CTIF: variants seen among roughly 807,000 people sequenced by gnomAD.
The protein encoded by CTIF is CBP80/20-dependent translation initiation factor.
CTIF carries 21 observed loss-of-function variants against 66.0 expected under a neutral mutation model. That is an observed-to-expected ratio of 0.32 (90% CI 0.23 to 0.46). The LOEUF (loss-of-function observed/expected upper bound fraction) is 0.46. CTIF is among the 20% of genes least tolerant of loss of function. CTIF has a pLI of 1.00. For missense variants in CTIF, 739 were observed against 812.7 expected, an observed-to-expected ratio of 0.91 and a Z score of 1.10; for synonymous variants, 345 against 326.4, an observed-to-expected ratio of 1.06 and a Z score of -0.62.
chr18:48,692,007 G>A lies in CTIF; in HGVS notation c.508-19612G>A, dbSNP rs370170083. ...AGCAATTCTTGTGCTTCAGCCTCCC[G>A]AGTAGCTGGATTACAGGCGTGTGCC... On this transcript the variant is annotated intron_variant, in intron 6 of 11. Transcript: ENST00000256413. 3.9e-5 allele frequency among the ~76,000 whole-genome samples: 6 copies of A among 152,112 alleles called. No individual in the cohort carries two copies. The South Asian group carries it at 1.0e-3, about 26-fold the overall frequency.
At chr18:48,781,070 C>A (rs1911164274) in intron 9 of CTIF, among the ~76,000 whole-genome samples, 2 of 152,300 alleles carry the variant, frequency 1.3e-5, no homozygotes, top group South Asian at 4.1e-4. Flanking sequence ...CTTTGTGAGC[C>A]CCCCTCTTCT....
chr18:48,817,305 G>A lies in CTIF; in HGVS notation c.1456G>A (p.Gly486Ser), dbSNP rs757097359. The A allele has an allele frequency of 1.1e-5, 18 of 1,613,916 alleles. No homozygotes were observed. Among genetic ancestry groups the A allele is most frequent in the East Asian group, 2.2e-5 (1 of 44,882 alleles). Residue 486 changes from glycine (G) to serine (S), a missense_variant, in exon 10 of 12, where the codon GGC (glycine) becomes AGC (serine). Transcript: ENST00000256413. ...GFITFLCEVF[G>S]TMRSSTGEPF... ...CATCACCTTCCTGTGCGAGGTCTTC[G>A]GCACCATGCGCAGCAGCACAGGCGA... is the stretch of plus-strand genomic sequence containing the variant.
intron 7 of CTIF, among the ~76,000 whole-genome samples, chr18:48,736,737 C>T (rs957113983): frequency 6.6e-6 from 1 of 152,202 alleles, no homozygotes; most frequent in African/African-American, 2.4e-5. Context: ...CCAGTGAGCC[C>T]CTAGGCCCCA....
At chr18:48,679,906 G>C (rs577681045) in intron 6 of CTIF, among the ~76,000 whole-genome samples, 28 of 152,282 alleles carry the variant, frequency 1.8e-4, no homozygotes, top group African/African-American at 6.7e-4. Flanking sequence ...GAGAATTATG[G>C]TCAGGAGAAA....
chr18:48,841,286 C>T (rs1358806448), intron 10 of CTIF, among the ~76,000 whole-genome samples: 1 of 152,280 alleles, frequency 6.6e-6, no homozygotes, highest in Non-Finnish European at 1.5e-5. Flanking sequence ...CTGGAGCGGC[C>T]CCTGGGCTCT....
chr18:48,737,717 A>G (rs2092516434), intron 7 of CTIF, among the ~76,000 whole-genome samples: 1 of 152,250 alleles, frequency 6.6e-6, no homozygotes, highest in Admixed American at 6.5e-5. Flanking sequence ...TATATTAACG[A>G]TAATGAATGG....
intron 3 of CTIF, among the ~76,000 whole-genome samples, 175 bp downstream of exon 3, chr18:48,636,860 G>A (rs191263438): frequency 1.3e-5 from 2 of 152,158 alleles, no homozygotes; most frequent in Admixed American, 6.5e-5. Context: ...TGCCCACAGG[G>A]AAGCTCCCAC....
chr18:48,609,983 C>G (rs893594075), intron 1 of CTIF, among the ~76,000 whole-genome samples: 1 of 151,714 alleles, frequency 6.6e-6, no homozygotes, highest in African/African-American at 2.4e-5. Context: ...GAGGAAAGCC[C>G]GGGCCCATTG....
intron 1 of CTIF, among the ~76,000 whole-genome samples, chr18:48,603,849 A>ATTTTTTT (rs34207687): frequency 7.2e-6 from 1 of 138,128 alleles, no homozygotes; most frequent in African/African-American, 2.7e-5. Context: ...ACTCAGTGAA[A>ATTTTTTT]TTTTTTTTTT....
Position 48,681,504 on chromosome 18 carries a change from A to G in CTIF, c.507+10760A>G, listed in dbSNP as rs555921417. On this transcript the variant is annotated intron_variant, in intron 6 of 11. Transcript: ENST00000256413. Reference sequence around the variant, plus strand: ...ACCCAGAACTTCCACCTACAACCCCATTACAGACGAGGAAACTGAGAGACC... The same window carrying G: ...ACCCAGAACTTCCACCTACAACCCCGTTACAGACGAGGAAACTGAGAGACC... Among the ~76,000 whole-genome samples the G allele has an allele frequency of 4.6e-5, 7 of 152,268 alleles. 1 individual carries two copies. The highest frequency in any genetic ancestry group is 1.7e-4 in the African/African-American group (7 of 41,562).
intron 9 of CTIF, among the ~76,000 whole-genome samples, chr18:48,815,915 C>G (rs887336905): frequency 1.0e-4 from 15 of 148,886 alleles, no homozygotes; most frequent in African/African-American, 3.7e-4. Flanking sequence ...ATCTTGGAGT[C>G]TCCCCTTTCC....
chr18:48,664,089 A>G (rs1020167662), intron 4 of CTIF, among the ~76,000 whole-genome samples: 12 of 152,150 alleles, frequency 7.9e-5, no homozygotes. Flanking sequence ...CATCTACCTC[A>G]GGGTGGCCGG....
chr18:48,719,945 T>C (rs771507115), intron 7 of CTIF, among the ~76,000 whole-genome samples: 1 of 152,204 alleles, frequency 6.6e-6, no homozygotes, highest in Non-Finnish European at 1.5e-5. Flanking sequence ...ATCAACAATA[T>C]GTATTAAATA....
intron 7 of CTIF, among the ~76,000 whole-genome samples, chr18:48,729,026 T>A (rs953579322): frequency 6.6e-6 from 1 of 152,208 alleles, no homozygotes; most frequent in Non-Finnish European, 1.5e-5. Flanking sequence ...GGTTTTTGTG[T>A]GTTCTGATTC....
intron 2 of CTIF, among the ~76,000 whole-genome samples, chr18:48,622,914 C>T (rs2090522678): frequency 6.6e-6 from 1 of 152,194 alleles, no homozygotes; most frequent in Non-Finnish European, 1.5e-5. Flanking sequence ...AAAGGTTCCT[C>T]CAGCTGAAAT....
chr18:48,850,758 G>A (rs2069181728), intron 10 of CTIF, among the ~76,000 whole-genome samples: 1 of 152,186 alleles, frequency 6.6e-6, no homozygotes, highest in African/African-American at 2.4e-5. Context: ...AGAGCAGCAG[G>A]TGGGGCCTTC....
chr18:48,575,174 G>C (rs886608803), intron 1 of CTIF, among the ~76,000 whole-genome samples: 19 of 152,210 alleles, frequency 1.2e-4, no homozygotes, highest in African/African-American at 4.1e-4. Context: ...CAGCACGTAG[G>C]CCTTGAGTCC....
intron 2 of CTIF, among the ~76,000 whole-genome samples, chr18:48,633,205 G>A (rs1448393433): frequency 6.6e-6 from 1 of 152,170 alleles, no homozygotes; most frequent in Non-Finnish European, 1.5e-5. Flanking sequence ...ATGGGATGAG[G>A]AGTGCAAGCA....
intron 1 of CTIF, among the ~76,000 whole-genome samples, chr18:48,543,294 C>A (rs925540761): frequency 2.0e-5 from 3 of 152,268 alleles, no homozygotes; most frequent in African/African-American, 4.8e-5. Context: ...TCTGAGAATT[C>A]TCCACACGTG....
Sources: allele counts gnomAD v4.1 joint callset (sites outside exome capture counted in the v4.1 genomes callset), GRCh38; gene constraint gnomAD v4.1.1; transcripts MANE v1.5; gene names NCBI Gene and HGNC (gene_info 2026-07-23, HGNC 2026-07-21).